RHOT1: variants seen among roughly 807,000 people sequenced by gnomAD.
The protein encoded by RHOT1 is mitochondrial Rho GTPase 1.
A neutral mutation model predicts 95.3 loss-of-function variants in RHOT1; 27 were observed. The ratio of observed to expected loss-of-function variants is 0.28; its 90% CI spans 0.21 to 0.39. The LOEUF (loss-of-function observed/expected upper bound fraction) is 0.39, where lower values mean the gene tolerates loss of function less well. Among genes scored for constraint, RHOT1 ranks in the 10% least tolerant of loss-of-function variants. The pLI, the probability that RHOT1 is intolerant of heterozygous loss-of-function variation, is 1.00. For missense variants in RHOT1, 578 were observed against 786.7 expected, an observed-to-expected ratio of 0.73 and a Z score of 3.17; for synonymous variants, 227 against 263.5, an observed-to-expected ratio of 0.86 and a Z score of 1.34.
At chr17:32,148,061 C>T (rs1317966981) in intron 1 of RHOT1, among the ~76,000 whole-genome samples, 3 of 152,082 alleles carry the variant, frequency 2.0e-5, no homozygotes, top group Admixed American at 6.6e-5. Flanking sequence ...GTCAGGAGAT[C>T]GAGACCATCC....
intron 11 of RHOT1, among the ~76,000 whole-genome samples, chr17:32,198,607 G>A (rs2037078510): frequency 6.6e-6 from 1 of 152,192 alleles, no homozygotes; most frequent in Admixed American, 6.5e-5. Flanking sequence ...TACTCAAGAG[G>A]CTGAGATGGG....
intron 1 of RHOT1, among the ~76,000 whole-genome samples, chr17:32,152,111 TA>T (rs2032381299): frequency 6.6e-6 from 1 of 152,226 alleles, no homozygotes; most frequent in African/African-American, 2.4e-5. Flanking sequence ...ACAAATAACT[TA>T]AACAGAATTG....
chr17:32,174,046 TATCTC>T, intron 3 of RHOT1, 134 bp downstream of exon 3: 1 of 668,144 alleles, frequency 1.5e-6, no homozygotes, highest in Non-Finnish European at 2.6e-6. Context: ...TTACGATTCT[TATCTC>T]ATTTATGTCT....
At chr17:32,147,052 TTTA>T (rs1425414364) in intron 1 of RHOT1, among the ~76,000 whole-genome samples, 1 of 150,622 alleles carries the variant, frequency 6.6e-6, no homozygotes, top group African/African-American at 2.4e-5. Flanking sequence ...CTGCTCTTTT[TTTA>T]TTTTTTTGAG....
chr17:32,222,817 A>C lies in RHOT1; in HGVS notation c.1863-1799A>C, dbSNP rs1051587027. ...GCTGTTAGCAGACGATGAGGGCAGT[A>C]TTACTCACCAGGTGCATGCTGTCAG... is the stretch of plus-strand genomic sequence containing the variant. On this transcript the variant is annotated intron_variant, in intron 19 of 19. Coordinates refer to ENST00000545287, the MANE Select transcript of RHOT1 (RefSeq NM_001033566.3). The C allele has an allele frequency of 5.1e-6, 5 of 983,814 alleles. No homozygotes were observed. The African/African-American group carries it at 8.7e-5, about 17-fold the overall frequency. The allele number at this position is 983,814 out of a possible 1,614,324, so 60.9% of individuals were successfully genotyped here.
At chr17:32,205,636 A>T (rs115053890) in intron 16 of RHOT1, among the ~76,000 whole-genome samples, 2,002 of 152,350 alleles carry the variant, frequency 0.013, 41 homozygotes, top group African/African-American at 0.046. Flanking sequence ...ACTATGAAAT[A>T]CAGTAGAAGG....
chr17:32,150,954 C>T, intron 1 of RHOT1: 1 of 1,548,030 alleles, frequency 6.5e-7, no homozygotes, highest in South Asian at 1.2e-5. Flanking sequence ...GGTTGCTTTG[C>T]TGATTGCTGC....
chr17:32,170,899 T>C (rs1186961028), intron 1 of RHOT1, 144 bp from the exon 2 acceptor site: 2 of 481,934 alleles, frequency 4.1e-6, no homozygotes, highest in Non-Finnish European at 3.7e-6. Context: ...CATAAAGATA[T>C]ACTTTTAAGT....
intron 19 of RHOT1, among the ~76,000 whole-genome samples, chr17:32,220,681 C>T (rs1459835350): frequency 6.6e-6 from 1 of 150,566 alleles, no homozygotes; most frequent in Non-Finnish European, 1.5e-5. Context: ...CTAAAAATAC[C>T]AAAAATTAGC....
intron 19 of RHOT1, among the ~76,000 whole-genome samples, chr17:32,218,952 T>C (rs1032300541): frequency 2.0e-5 from 3 of 152,208 alleles, no homozygotes; most frequent in Non-Finnish European, 2.9e-5. Flanking sequence ...TTAGATACAC[T>C]TCTATTACAG....
chr17:32,193,930 C>A (rs981400024), intron 10 of RHOT1, 57 bp from the exon 11 acceptor site: 2 of 1,581,164 alleles, frequency 1.3e-6, no homozygotes, highest in Admixed American at 1.8e-5. Flanking sequence ...CATTATGTTA[C>A]ATGCTTTTCT....
intron 1 of RHOT1, among the ~76,000 whole-genome samples, chr17:32,166,260 T>G (rs2034077860): frequency 6.6e-6 from 1 of 151,522 alleles, no homozygotes; most frequent in Non-Finnish European, 1.5e-5. Flanking sequence ...ATCTAAAAAA[T>G]GTACATACCT....
chr17:32,222,409 G>A (rs146753704), intron 19 of RHOT1, among the ~76,000 whole-genome samples: 251 of 152,202 alleles, frequency 1.6e-3, no homozygotes, highest in African/African-American at 5.4e-3. Flanking sequence ...TGGTTACTAC[G>A]TGTTGTCAGG....
At chr17:32,187,010 G>T (rs550955864) in intron 8 of RHOT1, among the ~76,000 whole-genome samples, 4 of 151,836 alleles carry the variant, frequency 2.6e-5, no homozygotes, top group Non-Finnish European at 5.9e-5. Context: ...GCGGGGGCCG[G>T]GTGCAGTGGC....
rs1226985109 is a variant in RHOT1, at chr17:32,207,038, C to T, written c.1536+9C>T. On this transcript the variant is annotated intron_variant, in intron 17 of 19. Transcript: ENST00000545287. The stretch of plus-strand genomic sequence containing the variant: ...GTGCCAGGATTTTTAAGGTTTGTTG[C>T]TCCTACAGACTATGACTGAATGTAA... 6 of 1,602,836 alleles carry T rather than the reference C, an allele frequency of 3.7e-6. No homozygotes were observed. The highest frequency in any genetic ancestry group is 2.7e-5 in the African/African-American group (2 of 74,054).
intron 1 of RHOT1, among the ~76,000 whole-genome samples, chr17:32,163,837 G>C (rs976100596): frequency 8.5e-5 from 13 of 152,048 alleles, no homozygotes; most frequent in South Asian, 2.1e-4. Flanking sequence ...TAGTGGCCAT[G>C]ATCAGTGGTA....
intron 1 of RHOT1, among the ~76,000 whole-genome samples, chr17:32,158,552 C>T (rs907164993): frequency 1.3e-5 from 2 of 152,082 alleles, no homozygotes; most frequent in Admixed American, 6.5e-5. Context: ...ACCTGCCTCC[C>T]GCTTTCAAAC....
At chr17:32,215,044 C>T (rs1401480661) in intron 19 of RHOT1, among the ~76,000 whole-genome samples, 1 of 151,376 alleles carries the variant, frequency 6.6e-6, no homozygotes, top group Non-Finnish European at 1.5e-5. Context: ...GTAGCTGGGA[C>T]CACAGGCATG....
At chr17:32,210,592 T>A (rs1211538035) in intron 18 of RHOT1, among the ~76,000 whole-genome samples, 1 of 152,212 alleles carries the variant, frequency 6.6e-6, no homozygotes, top group Non-Finnish European at 1.5e-5. Flanking sequence ...AAAGACGTTG[T>A]TGTTCACATC....
Sources: allele counts gnomAD v4.1 joint callset (sites outside exome capture counted in the v4.1 genomes callset), GRCh38; gene constraint gnomAD v4.1.1; transcripts MANE v1.5; gene names NCBI Gene and HGNC (gene_info 2026-07-23, HGNC 2026-07-21).